Variants in BAALC observed in about 807,000 individuals in gnomAD.
The protein encoded by BAALC is BAALC binder of MAP3K1 and KLF4.
Under a neutral mutation model 15.5 loss-of-function variants are expected in BAALC, and 9 were observed. The ratio of observed to expected loss-of-function variants is 0.58; its 90% CI spans 0.35 to 1.02. The LOEUF is 1.02. BAALC is among the 50% of genes least tolerant of loss of function. BAALC has a pLI of 0.02. For synonymous variants in BAALC, 80 were observed against 74.6 expected (o/e 1.07, Z -0.37); for missense variants, 201 against 192.4 (o/e 1.04, Z -0.27).
intron 1 of BAALC, among the ~76,000 whole-genome samples, chr8:103,196,943 A>G (rs1213627867): frequency 6.6e-6 from 1 of 152,140 alleles, no homozygotes; most frequent in East Asian, 1.9e-4. Context: ...GGGAGAAGAA[A>G]ATGCACCAAG....
At position 103,141,043 on chromosome 8, in the gene BAALC, GCGGCCTGCACTCGGGTAAGTGGC is replaced by G; in HGVS notation, c.150_160+12del. On this transcript the variant is annotated splice_donor_variant and splice_donor_5th_base_variant and coding_sequence_variant and intron_variant, in exon 1 of 3. Coordinates refer to ENST00000309982, the MANE Select transcript of BAALC (RefSeq NM_024812.3). LOFTEE classifies it high-confidence loss of function. ...GCCCCGGACAGCGGCCCCGAAGCGG[GCGGCCTGCACTCGGGTAAGTGGC>G]CGGGCCCCTGCAGACCCTCGCCCGC... 6.7e-7 allele frequency: 1 copy of G among 1,501,742 alleles called. No homozygotes were observed. The highest frequency in any genetic ancestry group is 1.3e-5 in the South Asian group (1 of 79,444). The allele number at this position is 1,501,742 out of a possible 1,614,324, so 93.0% of individuals were successfully genotyped here.
chr8:103,198,248 T>C (rs1812139071), intron 1 of BAALC: 4 of 604,994 alleles, frequency 6.6e-6, no homozygotes, highest in Non-Finnish European at 1.2e-5. Context: ...TATCATTATA[T>C]TTGACTACTA....
chr8:103,181,940 T>TAA (rs1811738969), intron 1 of BAALC, among the ~76,000 whole-genome samples: 1 of 152,214 alleles, frequency 6.6e-6, no homozygotes, highest in Non-Finnish European at 1.5e-5. Flanking sequence ...TTCATATATA[T>TAA]AACCATACTT....
chr8:103,204,547 T>A (rs1812287445), intron 1 of BAALC, among the ~76,000 whole-genome samples: 1 of 152,244 alleles, frequency 6.6e-6, no homozygotes, highest in South Asian at 2.1e-4. Context: ...GTTTTATGAT[T>A]TTAGCCCTTA....
chr8:103,179,754 G>A (rs16870228), intron 1 of BAALC, among the ~76,000 whole-genome samples: 24,772 of 152,290 alleles, frequency 0.16, 2,305 homozygotes, highest in East Asian at 0.4. Flanking sequence ...TGGCTAACAC[G>A]AGGTCCTGCT....
chr8:103,171,483 G>A (rs942708869), intron 1 of BAALC, among the ~76,000 whole-genome samples: 1 of 151,992 alleles, frequency 6.6e-6, no homozygotes, highest in African/African-American at 2.4e-5. Context: ...AAGAAAGAGG[G>A]AGTCCAAATA....
intron 2 of BAALC, among the ~76,000 whole-genome samples, chr8:103,217,362 C>G (rs377163097): frequency 6.6e-6 from 1 of 152,240 alleles, no homozygotes; most frequent in Non-Finnish European, 1.5e-5. Context: ...CTTCTGTCAG[C>G]AGAGCTACCT....
At chr8:103,189,704 A>T (rs1322722960) in intron 1 of BAALC, among the ~76,000 whole-genome samples, 1 of 152,226 alleles carries the variant, frequency 6.6e-6, no homozygotes. Flanking sequence ...CTAGGTGGGC[A>T]TGAGCCTGAC....
intron 1 of BAALC, among the ~76,000 whole-genome samples, chr8:103,178,955 A>G (rs1191552685): frequency 6.6e-6 from 1 of 152,200 alleles, no homozygotes; most frequent in Admixed American, 6.5e-5. Flanking sequence ...GTTGGTGGAA[A>G]GAAGGAAAGC....
At chr8:103,148,043 T>C (rs1005789958) in intron 1 of BAALC, among the ~76,000 whole-genome samples, 1 of 152,172 alleles carries the variant, frequency 6.6e-6, no homozygotes, top group African/African-American at 2.4e-5. Context: ...TCTCCCCCAA[T>C]TCACATGTTG....
Position 103,212,970 on chromosome 8 carries a change from C to T in BAALC, c.212C>T (p.Pro71Leu), listed in dbSNP as rs757103757. The T allele has an allele frequency of 4.9e-5, 79 of 1,614,030 alleles. No individual in the cohort carries two copies. The South Asian group carries it at 8.2e-4, about 17-fold the overall frequency. ...AATGGTGTGCCCCGATCTACAGCCC[C>T]AGGTGGAATACCCAACCCAGAGAAG... ...PSNGVPRSTA[P>L]GGIPNPEKKT... Residue 71 changes from proline (P) to leucine (L), a missense_variant, in exon 2 of 3, where the codon CCA becomes CTA. Coordinates refer to ENST00000309982, the MANE Select transcript of BAALC (RefSeq NM_024812.3).
At chr8:103,178,204 T>C (rs1811646798) in intron 1 of BAALC, among the ~76,000 whole-genome samples, 1 of 152,188 alleles carries the variant, frequency 6.6e-6, no homozygotes, top group South Asian at 2.1e-4. Context: ...AACTCATTGA[T>C]GAGGGTCACA....
At chr8:103,180,737 C>G (rs1811707895) in intron 1 of BAALC, among the ~76,000 whole-genome samples, 1 of 152,152 alleles carries the variant, frequency 6.6e-6, no homozygotes, top group Non-Finnish European at 1.5e-5. Flanking sequence ...CTTGGGGAAA[C>G]CCTTTCAGGC....
intron 1 of BAALC, among the ~76,000 whole-genome samples, chr8:103,168,490 C>T (rs1488391750): frequency 1.3e-5 from 2 of 148,592 alleles, no homozygotes; most frequent in African/African-American, 4.9e-5. Flanking sequence ...TTTATGTTTG[C>T]TGCATTAAAA....
At chr8:103,150,280 A>G (rs548763789) in intron 1 of BAALC, among the ~76,000 whole-genome samples, 1 of 152,200 alleles carries the variant, frequency 6.6e-6, no homozygotes, top group East Asian at 1.9e-4. Context: ...ACAATTCAAG[A>G]TAAGATTTGG....
chr8:103,157,151 C>CCA, intron 1 of BAALC: 1 of 149,976 alleles, frequency 6.7e-6, no homozygotes, highest in South Asian at 2.1e-4. Context: ...CACACACACA[C>CCA]CACACACAAA....
At chr8:103,204,845 A>G (rs1039435495) in intron 1 of BAALC, among the ~76,000 whole-genome samples, 2 of 152,238 alleles carry the variant, frequency 1.3e-5, no homozygotes, top group Admixed American at 1.3e-4. Context: ...TGAAGAAATG[A>G]CACTGTCCCA....
chr8:103,161,498 G>A lies in BAALC; in HGVS notation c.160+20441G>A, dbSNP rs142585205. ...TCCTTTTTATAGCTGCATAGCGCTC[G>A]ATTGTGTGGATGTGTCCTGGTTTAT... On this transcript the variant is annotated intron_variant, in intron 1 of 2. Transcript: ENST00000309982. 2.0e-3 allele frequency among the ~76,000 whole-genome samples: 300 copies of A among 152,206 alleles called. 1 individual carries two copies. Among genetic ancestry groups the A allele is most frequent in the African/African-American group, 6.5e-3 (269 of 41,536 alleles).
At chr8:103,145,518 C>T (rs1417553125) in intron 1 of BAALC, among the ~76,000 whole-genome samples, 1 of 152,188 alleles carries the variant, frequency 6.6e-6, no homozygotes, top group South Asian at 2.1e-4. Flanking sequence ...CTGATGTCAG[C>T]TGAACGGCAT....
Sources: gnomAD v4.1 joint callset for allele counts (sites outside exome capture counted in the v4.1 genomes callset) on GRCh38, gnomAD v4.1.1 for gene constraint, MANE v1.5 for transcripts, NCBI Gene and HGNC (gene_info 2026-07-23, HGNC 2026-07-21) for gene names.